MSI1: variants seen among roughly 807,000 people sequenced by gnomAD.
The protein encoded by MSI1 is RNA-binding protein Musashi homolog 1.
Under a neutral mutation model 54.4 loss-of-function variants are expected in MSI1, and 15 were observed. The observed-to-expected ratio is 0.28, with a 90% CI of 0.18 to 0.42. MSI1 has a LOEUF of 0.42. MSI1 is among the 20% of genes least tolerant of loss of function. The probability of loss-of-function intolerance (pLI) is 1.00; values close to 1 mark genes in which losing one functional copy is unlikely to be tolerated. For missense variants in MSI1, 304 were observed against 506.0 expected (o/e 0.60, Z 3.83); for synonymous variants, 200 against 196.5 (o/e 1.02, Z -0.15).
chr12:120,346,989 G>C (rs1247463576), intron 12 of MSI1, among the ~76,000 whole-genome samples: 1 of 151,278 alleles, frequency 6.6e-6, no homozygotes, highest in African/African-American at 2.4e-5. Context: ...TCACTCTGTT[G>C]CCCAGGCTGG....
rs758068697 is a variant in MSI1, at chr12:120,368,181, G to A, written c.182+11C>T. ...CGAGCCGGGAGCAGGAGGAGGGGGT[G>A]AGGGGCTCACCTGGATCTCTTGGTC... On this transcript the variant is annotated intron_variant, in intron 3 of 14. Coordinates refer to ENST00000257552, the MANE Select transcript of MSI1 (RefSeq NM_002442.4). The surrounding 1 kb of genome is among the most constrained non-coding windows in gnomAD (Gnocchi z 6.6). 5.7e-6 allele frequency: 9 copies of A among 1,580,144 alleles called. No homozygotes were observed. In the South Asian group the frequency reaches 1.0e-4, roughly 18 times the overall value.
At chr12:120,356,355 C>G (rs1875117893) in intron 9 of MSI1, among the ~76,000 whole-genome samples, 1 of 152,182 alleles carries the variant, frequency 6.6e-6, no homozygotes, top group South Asian at 2.1e-4. Flanking sequence ...GTCTCTCCAG[C>G]CTCCCCATCA....
chr12:120,346,215 C>T lies in MSI1; in HGVS notation c.967G>A (p.Ala323Thr), dbSNP rs866379338. 3 of 1,598,210 alleles carry T rather than the reference C, an allele frequency of 1.9e-6. No homozygotes were observed. Among genetic ancestry groups the T allele is most frequent in the Non-Finnish European group, 2.6e-6 (3 of 1,172,982 alleles). ...CTGCTGACCCCCGAGTCCTGGTTGG[C>T]CGCCCCGTAGAGCTCGGCCATGGGG... ...PGPMAELYGA[A>T]NQDSGVSSYI... The change falls in exon 13 of 15, where the codon GCC (alanine) becomes ACC (threonine). Residue 323 changes from alanine (A) to threonine (T), a missense_variant. By Grantham distance (58) the Ala-to-Thr change is moderately conservative. Coordinates refer to ENST00000257552, the MANE Select transcript of MSI1 (RefSeq NM_002442.4).
At chr12:120,345,545 C>G (rs765468466) in intron 14 of MSI1, 25 bp downstream of exon 14, 3 of 1,610,554 alleles carry the variant, frequency 1.9e-6, no homozygotes, top group Admixed American at 1.7e-5. Flanking sequence ...GCCACCCCAC[C>G]ACCTGCCCAC....
chr12:120,367,444 G>A (rs1006861061), intron 4 of MSI1, among the ~76,000 whole-genome samples: 1 of 152,162 alleles, frequency 6.6e-6, no homozygotes, highest in Non-Finnish European at 1.5e-5. Context: ...TCGTTTCCAG[G>A]CAAGCTAGAG....
intron 4 of MSI1, 133 bp from the exon 5 acceptor site, chr12:120,364,888 A>C: frequency 1.5e-6 from 1 of 675,854 alleles, no homozygotes; most frequent in Admixed American, 3.0e-5. Context: ...AGCCTCTAGG[A>C]GGAGAGAATA....
Position 120,351,343 on chromosome 12 carries a change from C to T in MSI1, c.790+1G>A, listed in dbSNP as rs868173252. The T allele has an allele frequency of 1.9e-6, 3 of 1,613,112 alleles. No homozygotes were observed. The highest frequency in any genetic ancestry group is 1.7e-6 in the Non-Finnish European group (2 of 1,179,674). On this transcript the variant is annotated splice_donor_variant, in intron 11 of 14. Coordinates refer to ENST00000257552, the MANE Select transcript of MSI1 (RefSeq NM_002442.4). LOFTEE classifies it high-confidence loss of function. ...AGGTATACAAAATCCGAGCGACTGA[C>T]CTGTAAGCTCGGGGAGGACTGGGGC...
intron 9 of MSI1, among the ~76,000 whole-genome samples, chr12:120,354,747 A>T (rs910983852): frequency 3.9e-5 from 6 of 152,310 alleles, no homozygotes; most frequent in African/African-American, 1.4e-4. Flanking sequence ...TCCACCTCTT[A>T]AATGAAGGGT....
At chr12:120,364,947 A>G (rs7314042) in intron 4 of MSI1, among the ~76,000 whole-genome samples, 192 bp from the exon 5 acceptor site, 11,404 of 152,138 alleles carry the variant, frequency 0.075, 1,411 homozygotes, top group African/African-American at 0.26. Flanking sequence ...GTCTCACTCT[A>G]TCACCCAGGC....
chr12:120,352,552 T>A (rs995536242), intron 10 of MSI1, among the ~76,000 whole-genome samples: 1 of 151,770 alleles, frequency 6.6e-6, no homozygotes, highest in Non-Finnish European at 1.5e-5. Context: ...AGGATAAGCA[T>A]CCTTCCCCCA....
At chr12:120,351,307 T>C (rs1874576110) in intron 11 of MSI1, 37 bp downstream of exon 11, 2 of 1,591,844 alleles carry the variant, frequency 1.3e-6, no homozygotes, top group Non-Finnish European at 1.7e-6. Context: ...TTTCTCCCCA[T>C]GTGGCCTGAG....
Position 120,341,421 on chromosome 12 carries a change from T to C in MSI1, c.*1706A>G, listed in dbSNP as rs1873664613. 1 of 151,716 alleles carries C rather than the reference T, an allele frequency of 6.6e-6. No homozygotes were observed. The highest frequency in any genetic ancestry group is 2.4e-5 in the African/African-American group (1 of 41,106). 9.4% of individuals were successfully genotyped at this position (151,716 alleles called of 1,614,324 possible). On this transcript the variant is annotated 3_prime_UTR_variant, in exon 15 of 15. Transcript: ENST00000257552. ...TGTGGAGAGAAGAGACACCGGAGGA[T>C]GGTAACTTGCTGGCTTCGAAACACC... is the stretch of plus-strand genomic sequence containing the variant.
chr12:120,347,370 G>T, intron 12 of MSI1, 76 bp downstream of exon 12: 1 of 1,520,878 alleles, frequency 6.6e-7, no homozygotes, highest in Non-Finnish European at 9.1e-7. Flanking sequence ...GGGTGGCAGT[G>T]GCCTTCTCCC....
chr12:120,346,373 C>T (rs1874123942), intron 12 of MSI1, 51 bp from the exon 13 acceptor site: 10 of 1,448,454 alleles, frequency 6.9e-6, no homozygotes, highest in Non-Finnish European at 9.2e-6. Context: ...TCTGCCACCC[C>T]ACGGCACCCC....
Position 120,341,593 on chromosome 12 carries a change from G to A in MSI1, c.*1534C>T, listed in dbSNP as rs1873672354. 1 of 151,460 alleles carries A rather than the reference G, an allele frequency of 6.6e-6. No homozygotes were observed. The highest frequency in any genetic ancestry group is 1.5e-5 in the Non-Finnish European group (1 of 67,872). The allele number at this position is 151,460 out of a possible 1,614,324, so 9.4% of individuals were successfully genotyped here. A position where few individuals can be genotyped will look rare whatever the true frequency, so the allele number is the denominator to read the frequency against. On this transcript the variant is annotated 3_prime_UTR_variant, in exon 15 of 15. Transcript: ENST00000257552. ...AAGTGTCTCAGGACTCAGCTCAAACGTGTAGAAAATTAAAAATAAAAACCA... is the reference window on the plus strand; with the variant it reads ...AAGTGTCTCAGGACTCAGCTCAAACATGTAGAAAATTAAAAATAAAAACCA...
At chr12:120,366,273 C>A (rs1876012715) in intron 4 of MSI1, among the ~76,000 whole-genome samples, 1 of 152,212 alleles carries the variant, frequency 6.6e-6, no homozygotes, top group Non-Finnish European at 1.5e-5. Flanking sequence ...CTGAATGGCA[C>A]AGACCAGGAA....
intron 10 of MSI1, among the ~76,000 whole-genome samples, chr12:120,351,609 G>A (rs1016202909): frequency 1.3e-5 from 2 of 151,964 alleles, no homozygotes; most frequent in Non-Finnish European, 2.9e-5. Context: ...AGGGAGCAGA[G>A]TTGCCACCTA....
rs758578675 is a variant in MSI1, at chr12:120,364,774, G to A, written c.268-19C>T. The A allele has an allele frequency of 1.3e-6, 2 of 1,594,540 alleles. No homozygotes were observed. The highest frequency in any genetic ancestry group is 1.2e-5 in the South Asian group (1 of 86,536). On this transcript the variant is annotated intron_variant, in intron 4 of 14. Coordinates refer to ENST00000257552, the MANE Select transcript of MSI1 (RefSeq NM_002442.4). The stretch of plus-strand genomic sequence containing the variant: ...GGTCAATCTACAAGAAAAGGGAGAG[G>A]TAGAAGGGGTCTTGGTTATCGCATT...
chr12:120,368,795 G>A lies in MSI1; in HGVS notation c.100+38C>T. The A allele has an allele frequency of 7.1e-7, 1 of 1,410,032 alleles. No homozygotes were observed. Among genetic ancestry groups the A allele is most frequent in the Non-Finnish European group, 9.4e-7 (1 of 1,066,686 alleles). The allele number at this position is 1,410,032 out of a possible 1,614,324, so 87.3% of individuals were successfully genotyped here. A position where few individuals can be genotyped will look rare whatever the true frequency, so the allele number is the denominator to read the frequency against. On this transcript the variant is annotated intron_variant, in intron 2 of 14. Coordinates refer to ENST00000257552, the MANE Select transcript of MSI1 (RefSeq NM_002442.4). This position sits in a 1 kb window ranked among gnomAD's most constrained non-coding sequence, Gnocchi z 6.6. ...TCCGGGGCGCCGGGGGGTCCGGGGT[G>A]CCCTGCCGGACCGGCGGGCGCTCCC...
Sources: gnomAD v4.1 joint callset for allele counts (sites outside exome capture counted in the v4.1 genomes callset) on GRCh38, gnomAD v4.1.1 for gene constraint, Gnocchi (gnomAD v3.1) non-coding constraint, MANE v1.5 for transcripts, NCBI Gene and HGNC (gene_info 2026-07-23, HGNC 2026-07-21) for gene names.